Variants in MYO3B observed in about 807,000 individuals in gnomAD.
MYO3B encodes myosin IIIB.
MYO3B carries 156 observed loss-of-function variants against 174.6 expected under a neutral mutation model. That is an observed-to-expected ratio of 0.89 (90% confidence interval 0.78 to 1.02). The LOEUF is 1.02. Ranked by LOEUF, MYO3B falls within the 50% of genes least tolerant of loss-of-function variation. The probability of loss-of-function intolerance (pLI) is 0.00; values close to 1 mark genes in which losing one functional copy is unlikely to be tolerated. For missense variants in MYO3B, 1,632 were observed against 1,639.4 expected, an observed-to-expected ratio of 1.00 and a Z score of 0.08; for synonymous variants, 563 against 569.1, an observed-to-expected ratio of 0.99 and a Z score of 0.15.
chr2:170,533,425 T>TGGGGGGGG (rs10706524), intron 30 of MYO3B, among the ~76,000 whole-genome samples: 10 of 115,476 alleles, frequency 8.7e-5, no homozygotes, highest in Middle Eastern at 4.2e-3. Context: ...TTTGTGGGGG[T>TGGGGGGGG]GGGGGGGGGG....
intron 25 of MYO3B, among the ~76,000 whole-genome samples, chr2:170,478,718 C>T (rs376001922): frequency 1.3e-5 from 2 of 151,030 alleles, no homozygotes; most frequent in South Asian, 4.2e-4. Context: ...TACAGCCAAG[C>T]GCCACTACAC....
chr2:170,579,997 T>C (rs1194772350), intron 32 of MYO3B, among the ~76,000 whole-genome samples: 3 of 152,222 alleles, frequency 2.0e-5, no homozygotes, highest in Admixed American at 1.3e-4. Flanking sequence ...GCTTAAAGAC[T>C]CTTTTCTAAA....
intron 7 of MYO3B, among the ~76,000 whole-genome samples, chr2:170,264,806 G>C (rs907108024): frequency 6.6e-6 from 1 of 152,156 alleles, no homozygotes; most frequent in Non-Finnish European, 1.5e-5. Flanking sequence ...AGAGACTTTG[G>C]GTGATGGCTT....
chr2:170,194,176 TATA>T (rs1411480489), intron 1 of MYO3B, among the ~76,000 whole-genome samples: 5 of 152,164 alleles, frequency 3.3e-5, no homozygotes, highest in Non-Finnish European at 5.9e-5. Context: ...TTTGGTTAAA[TATA>T]AAAATATTTG....
intron 32 of MYO3B, among the ~76,000 whole-genome samples, chr2:170,587,834 G>A (rs1049761675): frequency 6.6e-6 from 1 of 152,210 alleles, no homozygotes; most frequent in African/African-American, 2.4e-5. Context: ...GCAAAAGTGA[G>A]CACTGAATCT....
chr2:170,522,698 C>T (rs1222259690), intron 30 of MYO3B, among the ~76,000 whole-genome samples: 2 of 152,190 alleles, frequency 1.3e-5, no homozygotes, highest in Non-Finnish European at 2.9e-5. Context: ...TATGGCTAAC[C>T]AGAATCAGAC....
At chr2:170,648,013 C>G (rs1698510669) in intron 32 of MYO3B, 1 of 152,184 alleles carries the variant, frequency 6.6e-6, no homozygotes, top group African/African-American at 2.4e-5. Flanking sequence ...TGTCAGACCT[C>G]CAGAGCATAC....
chr2:170,317,221 A>G (rs2093782137), intron 7 of MYO3B, among the ~76,000 whole-genome samples: 2 of 151,968 alleles, frequency 1.3e-5, no homozygotes, highest in South Asian at 2.1e-4. Flanking sequence ...CCCCCACTGG[A>G]TGCATCTTGG....
At chr2:170,503,105 T>C (rs1023416442) in intron 28 of MYO3B, among the ~76,000 whole-genome samples, 3 of 152,206 alleles carry the variant, frequency 2.0e-5, no homozygotes, top group African/African-American at 7.2e-5. Context: ...AATCTCTCAT[T>C]AAAACAGGGT....
rs570468872 is a variant in MYO3B at position 170,475,339 on chromosome 2, C to T, written c.3014+8628C>T. ...GATCATGGTTCACTGCAGCTTTGAA[C>T]TCCTGAGCTCAAGCAATTCTCCTGC... is the stretch of plus-strand genomic sequence containing the variant. On this transcript the variant is annotated intron_variant, in intron 25 of 34. Transcript: ENST00000408978. 4.1e-3 allele frequency among the ~76,000 whole-genome samples: 626 copies of T among 152,330 alleles called. 5 individuals carry two copies. Among genetic ancestry groups the T allele is most frequent in the Non-Finnish European group, 7.5e-3 (510 of 68,030 alleles).
At chr2:170,649,445 AAT>A (rs2105493806) in intron 32 of MYO3B, among the ~76,000 whole-genome samples, 1 of 130,898 alleles carries the variant, frequency 7.6e-6, no homozygotes, top group African/African-American at 2.9e-5. Flanking sequence ...TTACATATAA[AAT>A]ATATAATATA....
chr2:170,491,180 T>G (rs1275323410), intron 25 of MYO3B, among the ~76,000 whole-genome samples: 1 of 152,172 alleles, frequency 6.6e-6, no homozygotes, highest in African/African-American at 2.4e-5. Flanking sequence ...CCTGATAAGT[T>G]TTTAACACTA....
chr2:170,427,398 T>C (rs1041092927), intron 22 of MYO3B, among the ~76,000 whole-genome samples: 1 of 152,236 alleles, frequency 6.6e-6, no homozygotes, highest in Non-Finnish European at 1.5e-5. Flanking sequence ...TCTCCAAAAA[T>C]CAATGCCTGT....
intron 7 of MYO3B, among the ~76,000 whole-genome samples, chr2:170,280,015 C>T (rs895729585): frequency 1.3e-5 from 2 of 151,962 alleles, no homozygotes; most frequent in Admixed American, 1.3e-4. Context: ...GGTAGTTCTG[C>T]TTTTAGCTAT....
chr2:170,599,883 T>A (rs900965729), intron 32 of MYO3B, among the ~76,000 whole-genome samples: 4 of 152,228 alleles, frequency 2.6e-5, no homozygotes, highest in Admixed American at 6.5e-5. Flanking sequence ...TATCATTTTT[T>A]AAATTTTTTA....
intron 28 of MYO3B, among the ~76,000 whole-genome samples, chr2:170,509,290 T>C (rs897902257): frequency 1.3e-5 from 2 of 152,050 alleles, no homozygotes; most frequent in African/African-American, 2.4e-5. Context: ...CCAGGAGGCA[T>C]AGGTTGCAGT....
chr2:170,441,198 T>C (rs1307128910), intron 22 of MYO3B, among the ~76,000 whole-genome samples: 1 of 152,256 alleles, frequency 6.6e-6, no homozygotes, highest in Non-Finnish European at 1.5e-5. Context: ...GTTTTCTACA[T>C]ATAAAATTGT....
chr2:170,304,878 G>A (rs1467969893), intron 7 of MYO3B, among the ~76,000 whole-genome samples: 2 of 150,760 alleles, frequency 1.3e-5, no homozygotes, highest in Non-Finnish European at 2.9e-5. Context: ...TTTTCTTTTG[G>A]CCTTCTAATT....
Position 170,513,056 on chromosome 2 carries a change from A to G in MYO3B, c.3371-1865A>G, listed in dbSNP as rs1348673064. ...ATGATAATGTTTGTTAAATAAAAAT[A>G]ATGGAGCTTTTCTTCCCACCCAATT... On this transcript the variant is annotated intron_variant, in intron 28 of 34. Coordinates refer to ENST00000408978, the MANE Select transcript of MYO3B (RefSeq NM_138995.5). 5.3e-5 allele frequency among the ~76,000 whole-genome samples: 8 copies of G among 152,328 alleles called. No individual in the cohort carries two copies. The South Asian group carries it at 1.7e-3, about 32-fold the overall frequency.
Sources: allele counts gnomAD v4.1 joint callset (sites outside exome capture counted in the v4.1 genomes callset), GRCh38; gene constraint gnomAD v4.1.1; transcripts MANE v1.5; gene names NCBI Gene and HGNC (gene_info 2026-07-23, HGNC 2026-07-21).